SLC4A4: variants seen among roughly 807,000 people sequenced by gnomAD.
The protein encoded by SLC4A4 is electrogenic sodium bicarbonate cotransporter 1.
Under a neutral mutation model 111.5 loss-of-function variants are expected in SLC4A4, and 27 were observed. The ratio of observed to expected loss-of-function variants is 0.24; its 90% confidence interval spans 0.18 to 0.33. SLC4A4 has a LOEUF of 0.33. Among genes scored for constraint, SLC4A4 ranks in the 10% least tolerant of loss-of-function variants. SLC4A4 has a pLI of 1.00. For synonymous variants in SLC4A4, 443 were observed against 463.4 expected (o/e 0.96, Z 0.57); for missense variants, 909 against 1,315.5 (o/e 0.69, Z 4.78).
intron 6 of SLC4A4, among the ~76,000 whole-genome samples, chr4:71,395,675 G>T (rs1194525764): frequency 2.0e-5 from 3 of 152,162 alleles, no homozygotes; most frequent in Non-Finnish European, 4.4e-5. Flanking sequence ...CAGTGCTTGG[G>T]CTGAAATGTG....
At chr4:71,510,844 GTTTTGATTTCTTAC>G (rs1731850956) in intron 16 of SLC4A4, among the ~76,000 whole-genome samples, 1 of 151,956 alleles carries the variant, frequency 6.6e-6, no homozygotes, top group Non-Finnish European at 1.5e-5. Context: ...TTTCCACTGT[GTTTTGATTTCTTAC>G]TTTTTATCTT....
At chr4:71,169,286 G>T (rs1203058758) in intron 2 of SLC4A4, among the ~76,000 whole-genome samples, 2 of 151,876 alleles carry the variant, frequency 1.3e-5, no homozygotes, top group East Asian at 3.9e-4. Context: ...AAAGTGTTGG[G>T]ATTACAGGTG....
intron 1 of SLC4A4, among the ~76,000 whole-genome samples, chr4:71,202,004 G>A (rs115906392): frequency 1.9e-3 from 291 of 152,294 alleles, no homozygotes; most frequent in African/African-American, 6.9e-3. Context: ...CACTGCTGTT[G>A]AGTTGGAGAC....
chr4:71,163,011 G>C (rs1246785288), intron 2 of SLC4A4, among the ~76,000 whole-genome samples: 1 of 152,176 alleles, frequency 6.6e-6, no homozygotes, highest in African/African-American at 2.4e-5. Context: ...CAGGGAGCTA[G>C]AAATCAGAAT....
intron 16 of SLC4A4, among the ~76,000 whole-genome samples, chr4:71,520,708 A>G (rs1732849410): frequency 6.6e-6 from 1 of 152,214 alleles, no homozygotes; most frequent in Non-Finnish European, 1.5e-5. Flanking sequence ...AGCAAAAAAT[A>G]ATTATCTCCA....
chr4:71,163,369 A>G (rs1418894357), intron 2 of SLC4A4, among the ~76,000 whole-genome samples: 1 of 152,234 alleles, frequency 6.6e-6, no homozygotes, highest in African/African-American at 2.4e-5. Context: ...GCTTTGCTAG[A>G]TATTCTAGTC....
chr4:71,365,911 T>G (rs1731207378), intron 6 of SLC4A4, among the ~76,000 whole-genome samples: 1 of 152,214 alleles, frequency 6.6e-6, no homozygotes, highest in Non-Finnish European at 1.5e-5. Flanking sequence ...AATAATCATA[T>G]GCTAATTCAA....
intron 2 of SLC4A4, among the ~76,000 whole-genome samples, chr4:71,180,260 C>A: frequency 6.6e-6 from 1 of 152,266 alleles, no homozygotes; most frequent in East Asian, 1.9e-4. Context: ...GGAAGAAAAC[C>A]TAGGCAATAC....
chr4:71,290,515 T>A (rs774798252), intron 3 of SLC4A4, among the ~76,000 whole-genome samples: 8 of 152,142 alleles, frequency 5.3e-5, no homozygotes, highest in Non-Finnish European at 1.0e-4. Flanking sequence ...CTTTGGAGAC[T>A]TAGAAAAATT....
chr4:71,153,033 G>GTGTA lies in SLC4A4; in HGVS notation c.-2+60242_-2+60243insGTAT, dbSNP rs386400441. Among the ~76,000 whole-genome samples the GTGTA allele has an allele frequency of 8.5e-3, 1,134 of 132,710 alleles. 9 individuals are homozygous for GTGTA. Among genetic ancestry groups the GTGTA allele is most frequent in the South Asian group, 0.022 (94 of 4,202 alleles). The allele number at this position is 132,710 out of a possible 152,430, so 87.1% of individuals were successfully genotyped here. A position where few individuals can be genotyped will look rare whatever the true frequency, so the allele number is the denominator to read the frequency against. On this transcript the variant is annotated intron_variant, in intron 2 of 26. Transcript: ENST00000649996. ...TGTATATATATAAATATATGTGTGT[G>GTGTA]TATATATATATATATATATAAAAAT...
chr4:71,146,687 C>T (rs4271979), intron 2 of SLC4A4, among the ~76,000 whole-genome samples: 111,417 of 151,846 alleles, frequency 0.73, 42,604 homozygotes, highest in Admixed American at 0.84. Context: ...GAATTGATCC[C>T]TTTACCATTA....
chr4:71,518,046 G>T (rs529293214), intron 16 of SLC4A4, among the ~76,000 whole-genome samples: 6 of 152,182 alleles, frequency 3.9e-5, no homozygotes, highest in Non-Finnish European at 7.3e-5. Flanking sequence ...AGTGGGGTGG[G>T]TGTGGACCCT....
rs548035820 is a variant in SLC4A4 at position 71,171,297 on chromosome 4, T to TA, written c.-1-65278dup. On this transcript the variant is annotated intron_variant, in intron 2 of 26. Transcript: ENST00000649996. ...GTGTGGATGTTGGGAGGTCATACTT[T>TA]ATCCATCAAGGACCAAGTGGTGCCA... Among the ~76,000 whole-genome samples the TA allele has an allele frequency of 4.3e-3, 647 of 152,196 alleles. 8 individuals are homozygous for TA. The highest frequency in any genetic ancestry group is 0.015 in the African/African-American group (608 of 41,520).
chr4:71,530,091 A>G (rs1239364596), intron 16 of SLC4A4, among the ~76,000 whole-genome samples: 1 of 152,124 alleles, frequency 6.6e-6, no homozygotes, highest in Non-Finnish European at 1.5e-5. Flanking sequence ...GACTCCAGAT[A>G]CTTCTAACCA....
At chr4:71,316,955 C>T (rs942231776) in intron 3 of SLC4A4, among the ~76,000 whole-genome samples, 3 of 151,980 alleles carry the variant, frequency 2.0e-5, no homozygotes, top group Non-Finnish European at 4.4e-5. Context: ...CTCCTGAGCT[C>T]AAGCAGTCCT....
chr4:71,367,146 C>T (rs538199056), intron 6 of SLC4A4, among the ~76,000 whole-genome samples: 14 of 152,288 alleles, frequency 9.2e-5, no homozygotes, highest in Non-Finnish European at 1.8e-4. Context: ...CCCAACAATA[C>T]ACTGACAGGT....
intron 15 of SLC4A4, among the ~76,000 whole-genome samples, chr4:71,491,236 A>T (rs1411513072): frequency 6.6e-6 from 1 of 151,834 alleles, no homozygotes; most frequent in Non-Finnish European, 1.5e-5. Context: ...ACTGTGGGGG[A>T]AAAAACTCTA....
intron 4 of SLC4A4, among the ~76,000 whole-genome samples, chr4:71,344,658 C>A (rs749286212): frequency 2.0e-5 from 3 of 152,100 alleles, no homozygotes; most frequent in Non-Finnish European, 4.4e-5. Context: ...AAATCTACAG[C>A]CCACAGAACT....
intron 7 of SLC4A4, among the ~76,000 whole-genome samples, chr4:71,412,571 T>G (rs1384656424): frequency 6.6e-6 from 1 of 152,248 alleles, no homozygotes; most frequent in Non-Finnish European, 1.5e-5. Context: ...TTTTAAAGTC[T>G]TTCTTTGCAC....
Sources: allele counts gnomAD v4.1 joint callset (sites outside exome capture counted in the v4.1 genomes callset), GRCh38; gene constraint gnomAD v4.1.1; transcripts MANE v1.5; gene names NCBI Gene and HGNC (gene_info 2026-07-23, HGNC 2026-07-21).